Variants in RFPL4A observed in about 807,000 individuals in gnomAD.
RFPL4A encodes the protein ret finger protein-like 4A.
In RFPL4A, 4 loss-of-function variants were observed where a neutral mutation model predicts 8.3. The observed-to-expected ratio is 0.48, with a 90% CI of 0.24 to 1.10. The LOEUF (loss-of-function observed/expected upper bound fraction) is 1.10. Ranked by LOEUF, RFPL4A falls within the 50% of genes least tolerant of loss-of-function variation. The pLI is 0.18. For missense variants in RFPL4A, 111 were observed against 358.7 expected (o/e 0.31, Z 5.58); for synonymous variants, 43 against 136.6 (o/e 0.31, Z 4.78).
At position 55,761,841 on chromosome 19, in the gene RFPL4A, G is replaced by C; in HGVS notation, c.41G>C (p.Cys14Ser). 2 of 1,479,592 alleles carry C rather than the reference G, an allele frequency of 1.4e-6. No individual in the cohort carries two copies. Among genetic ancestry groups the C allele is most frequent in the Non-Finnish European group, 1.8e-6 (2 of 1,091,064 alleles). The allele number at this position is 1,479,592 out of a possible 1,614,324, so 91.7% of individuals were successfully genotyped here. The change falls in exon 2 of 3, where the codon TGT (cysteine) becomes TCT (serine). Residue 14 changes from cysteine (C) to serine (S), a missense_variant. Physicochemically the swap from Cys to Ser is moderately radical, Grantham distance 112. Coordinates refer to ENST00000434937, the MANE Select transcript of RFPL4A (RefSeq NM_001145014.2). ...HFKQIIRCPVCLKDLEEAVQL... is the reference protein window; with the variant it reads ...HFKQIIRCPVSLKDLEEAVQL... ...AAACAGATCATTAGATGTCCTGTCT[G>C]TCTAAAAGATCTTGAAGAAGCCGTG...
intron 1 of RFPL4A, among the ~76,000 whole-genome samples, chr19:55,759,636 G>A (rs1453487920): frequency 4.6e-5 from 7 of 151,606 alleles, no homozygotes; most frequent in East Asian, 1.9e-4. Context: ...TTACTATTGC[G>A]GAAAAGATCT....
At chr19:55,757,316 A>G (rs79559880), upstream of RFPL4A, among the ~76,000 whole-genome samples, 41,665 of 150,944 alleles carry the variant, frequency 0.28, 6,069 homozygotes, top group African/African-American at 0.36. Context: ...TGGCACATCT[A>G]TACCTATGTA....
At chr19:55,758,579 GCTGA>G (rs1423527340), upstream of RFPL4A, among the ~76,000 whole-genome samples, 1 of 151,346 alleles carries the variant, frequency 6.6e-6, no homozygotes, top group Non-Finnish European at 1.5e-5. Context: ...ACTTTCACTG[GCTGA>G]CTGATTGTCT....
rs1398831743 is a variant in RFPL4A at position 55,762,923 on chromosome 19, G to C, written c.612G>C (p.Met204Ile). Reference protein sequence around the residue: ...GKVFAASTVPMTPLWVSPQLH... With the variant: ...GKVFAASTVPITPLWVSPQLH... ...TCTTTGCTGCCAGCACTGTGCCTAT[G>C]ACTCCTCTCTGGGTGAGTCCCCAGT... The change falls in exon 3 of 3, where the codon ATG (methionine) becomes ATC (isoleucine). Residue 204 changes from methionine (M) to isoleucine (I), a missense_variant. Met to Ile is a conservative substitution (Grantham distance 10). Coordinates refer to ENST00000434937, the MANE Select transcript of RFPL4A (RefSeq NM_001145014.2). The C allele has an allele frequency of 2.6e-6, 4 of 1,550,752 alleles. No individual in the cohort carries two copies. In the African/African-American group the frequency reaches 4.1e-5, roughly 16 times the overall value.
In RFPL4A at chr19:55,761,754, G is replaced by A. The variant is rs573733109; in HGVS notation, c.-9-38G>A. ...ACACTATCAGCTGTTCATTCAGCTC[G>A]TGGAAATTCTAATTCTGTGTTCATT... On this transcript the variant is annotated intron_variant, in intron 1 of 2. Coordinates refer to ENST00000434937, the MANE Select transcript of RFPL4A (RefSeq NM_001145014.2). 8.3e-5 allele frequency: 118 copies of A among 1,416,420 alleles called. 3 individuals are homozygous for A. Among genetic ancestry groups the A allele is most frequent in the South Asian group, 3.8e-4 (31 of 80,762 alleles). The allele number at this position is 1,416,420 out of a possible 1,614,324, so 87.7% of individuals were successfully genotyped here.
intron 1 of RFPL4A, 131 bp from the exon 2 acceptor site, chr19:55,761,661 T>C: frequency 7.2e-7 from 1 of 1,384,904 alleles, no homozygotes. Context: ...TGTGTCTTCG[T>C]CACTAGCAGT....
At chr19:55,757,611 G>A (rs1293714909), upstream of RFPL4A, among the ~76,000 whole-genome samples, 3 of 152,030 alleles carry the variant, frequency 2.0e-5, no homozygotes, top group African/African-American at 4.8e-5. Flanking sequence ...CTGAATAGAA[G>A]CCAGCGGAGC....
In RFPL4A at chr19:55,763,393, CT is replaced by C. The variant is rs1252947940; in HGVS notation, c.*219del. Among the ~76,000 whole-genome samples, 1 of 150,044 alleles carries C rather than the reference CT, an allele frequency of 6.7e-6. No homozygotes were observed. Among genetic ancestry groups the C allele is most frequent in the Non-Finnish European group, 1.5e-5 (1 of 68,004 alleles). ...TTCTTTGGGGCTTATGTTTATATTT[CT>C]GTTCAATAAATATTTTGAAAATTCA... On this transcript the variant is annotated 3_prime_UTR_variant, in exon 3 of 3. Transcript: ENST00000434937.
chr19:55,761,456 A>G (rs1246415631), intron 1 of RFPL4A, among the ~76,000 whole-genome samples: 1 of 138,914 alleles, frequency 7.2e-6, no homozygotes, highest in East Asian at 2.0e-4. Flanking sequence ...CTCACAGCAC[A>G]TCTCCATTCA....
chr19:55,762,831 C>A lies in RFPL4A; in HGVS notation c.520C>A (p.Arg174=), dbSNP rs780977039. The A allele has an allele frequency of 6.9e-7, 1 of 1,446,738 alleles. No homozygotes were observed. The highest frequency in any genetic ancestry group is 2.0e-5 in the Admixed American group (1 of 49,304). 89.6% of individuals were successfully genotyped at this position (1,446,738 alleles called of 1,614,324 possible). A position where few individuals can be genotyped will look rare whatever the true frequency, so the allele number is the denominator to read the frequency against. The stretch of plus-strand genomic sequence containing the variant: ...GGGCGTGTGCAAGGAATCTGTGAAC[C>A]GACAGGGGAAGATTGTGCTTTCTTC... The part of the protein sequence containing the change: ...DVGVCKESVN[R]QGKIVLSSEH... The change falls in exon 3 of 3, where the codon CGA becomes AGA. Residue 174 remains arginine (R), a synonymous_variant. Transcript: ENST00000434937.
intron 1 of RFPL4A, among the ~76,000 whole-genome samples, chr19:55,760,169 AG>A (rs1989253592): frequency 6.6e-6 from 1 of 151,618 alleles, no homozygotes; most frequent in Non-Finnish European, 1.5e-5. Context: ...ACCGTGCACA[AG>A]GGTTCCCCTT....
At position 55,763,103 on chromosome 19, in the gene RFPL4A, G is replaced by A. The variant is rs1474748374; in HGVS notation, c.792G>A (p.Gln264=). Residue 264 remains glutamine, a synonymous_variant, in exon 3 of 3, where the codon CAG becomes CAA. Coordinates refer to ENST00000434937, the MANE Select transcript of RFPL4A (RefSeq NM_001145014.2). ...FAHKRGSQDD[Q]SILSICSVIN... is the part of the protein sequence containing the mutation. ...ATAAACGTGGAAGTCAAGATGATCA[G>A]AGCATCCTGAGTATCTGTTCTGTGA... The A allele has an allele frequency of 6.5e-7, 1 of 1,548,418 alleles. No homozygotes were observed. The highest frequency in any genetic ancestry group is 8.7e-7 in the Non-Finnish European group (1 of 1,146,556).
rs1313951319 is a variant in RFPL4A at position 55,760,272 on chromosome 19, T to C, written c.-10+1097T>C. ...TAATATCTCATCGCGGTTTTGTTGC[T>C]GGAGGGCTCAGGAGGCTCTCTGGAT... On this transcript the variant is annotated intron_variant, in intron 1 of 2. Coordinates refer to ENST00000434937, the MANE Select transcript of RFPL4A (RefSeq NM_001145014.2). 1.3e-5 allele frequency among the ~76,000 whole-genome samples: 2 copies of C among 151,536 alleles called. 1 individual carries two copies. Among genetic ancestry groups the C allele is most frequent in the African/African-American group, 4.9e-5 (2 of 41,130 alleles).
chr19:55,759,155 G>C lies in RFPL4A; in HGVS notation c.-30G>C, dbSNP rs1256397278. ...TCCGCAGAAGCAGCTGGAGGCCAGG[G>C]GAGAAACTCCAGAAGGAGAGGTGAG... On this transcript the variant is annotated 5_prime_UTR_variant, in exon 1 of 3. Transcript: ENST00000434937. The C allele has an allele frequency of 6.6e-6, 1 of 152,040 alleles. No individual in the cohort carries two copies. Among genetic ancestry groups the C allele is most frequent in the Non-Finnish European group, 1.5e-5 (1 of 67,560 alleles). The allele number at this position is 152,040 out of a possible 1,614,324, so 9.4% of individuals were successfully genotyped here.
At chr19:55,762,444 A>G (rs1160589809) in intron 2 of RFPL4A, among the ~76,000 whole-genome samples, 154 bp from the exon 3 acceptor site, 2 of 151,518 alleles carry the variant, frequency 1.3e-5, no homozygotes, top group African/African-American at 4.9e-5. Flanking sequence ...TAACCTCATC[A>G]GGTGGCCAAA....
chr19:55,759,299 T>C (rs1989235590), intron 1 of RFPL4A, 124 bp downstream of exon 1: 1 of 152,134 alleles, frequency 6.6e-6, no homozygotes, highest in Non-Finnish European at 1.5e-5. Context: ...ACTGTATTTC[T>C]GGAGGATAAG....
intron 1 of RFPL4A, 96 bp from the exon 2 acceptor site, chr19:55,761,696 A>C: frequency 6.8e-7 from 1 of 1,476,934 alleles, no homozygotes. Context: ...TCGTGCTATG[A>C]TAGCTCCATG....
chr19:55,761,821 G>T lies in RFPL4A; in HGVS notation c.21G>T (p.Gln7His). ...TTGCCATGGCTGAGCACTTCAAACA[G>T]ATCATTAGATGTCCTGTCTGTCTAA... MAEHFK[Q>H]IIRCPVCLKD... Residue 7 changes from glutamine (Q) to histidine (H), a missense_variant, in exon 2 of 3, where the codon CAG (glutamine) becomes CAT (histidine). By Grantham distance (24) the Gln-to-His change is conservative (BLOSUM62 0). Coordinates refer to ENST00000434937, the MANE Select transcript of RFPL4A (RefSeq NM_001145014.2). The T allele has an allele frequency of 6.9e-7, 1 of 1,449,206 alleles. No individual in the cohort carries two copies. Among genetic ancestry groups the T allele is most frequent in the Non-Finnish European group, 9.4e-7 (1 of 1,064,194 alleles). 89.8% of individuals were successfully genotyped at this position (1,449,206 alleles called of 1,614,324 possible).
chr19:55,758,446 G>A (rs1477223363), upstream of RFPL4A, among the ~76,000 whole-genome samples: 3 of 151,994 alleles, frequency 2.0e-5, no homozygotes, highest in South Asian at 6.2e-4. Flanking sequence ...TGAGGAACCC[G>A]TTTTTGAACA....
Sources: allele counts gnomAD v4.1 joint callset (sites outside exome capture counted in the v4.1 genomes callset), GRCh38; gene constraint gnomAD v4.1.1; transcripts MANE v1.5; gene names NCBI Gene and HGNC (gene_info 2026-07-23, HGNC 2026-07-21).